Variants in LEKR1 observed in about 807,000 individuals in gnomAD.
LEKR1 encodes leucine, glutamate and lysine rich 1.
LEKR1 carries 59 observed loss-of-function variants against 72.4 expected under a neutral mutation model. That is an observed-to-expected ratio of 0.82 (90% CI 0.66 to 1.01). The LOEUF (loss-of-function observed/expected upper bound fraction) is 1.01, where lower values mean the gene tolerates loss of function less well. Among genes scored for constraint, LEKR1 ranks in the 50% least tolerant of loss-of-function variants. LEKR1 has a pLI of 0.00. For missense variants in LEKR1, 728 were observed against 759.2 expected (o/e 0.96, Z 0.48); for synonymous variants, 257 against 263.2 (o/e 0.98, Z 0.23).
intron 3 of LEKR1, among the ~76,000 whole-genome samples, chr3:156,873,074 C>T (rs1042154526): frequency 3.9e-5 from 6 of 151,962 alleles, no homozygotes; most frequent in African/African-American, 1.4e-4. Context: ...CTCACCTTTT[C>T]AATCTAAAAT....
intron 7 of LEKR1, among the ~76,000 whole-genome samples, chr3:156,990,657 T>A (rs987587680): frequency 2.0e-5 from 3 of 152,214 alleles, no homozygotes; most frequent in African/African-American, 4.8e-5. Flanking sequence ...TTTAATGGCT[T>A]ATAATTTATT....
intron 5 of LEKR1, among the ~76,000 whole-genome samples, chr3:156,934,987 C>T (rs1316716838): frequency 6.6e-6 from 1 of 152,110 alleles, no homozygotes; most frequent in East Asian, 1.9e-4. Context: ...CATCTTTATA[C>T]ATGCATCTTT....
chr3:156,948,208 GT>G (rs1054226728), intron 6 of LEKR1, among the ~76,000 whole-genome samples: 186 of 151,138 alleles, frequency 1.2e-3, no homozygotes, highest in Non-Finnish European at 2.4e-3. Context: ...AGATGTAATA[GT>G]TTTACTTAAA....
chr3:156,918,117 T>C (rs1723827494), intron 3 of LEKR1, among the ~76,000 whole-genome samples: 1 of 152,152 alleles, frequency 6.6e-6, no homozygotes, highest in Non-Finnish European at 1.5e-5. Context: ...AATATAATCA[T>C]GGCATTATAT....
intron 12 of LEKR1, among the ~76,000 whole-genome samples, chr3:157,044,531 T>C (rs1012998384): frequency 2.0e-5 from 3 of 152,226 alleles, no homozygotes; most frequent in African/African-American, 7.2e-5. Flanking sequence ...GTCCTCCAGA[T>C]AGATCTATTA....
At chr3:156,834,822 C>T (rs765254865) in intron 2 of LEKR1, among the ~76,000 whole-genome samples, 5 of 152,140 alleles carry the variant, frequency 3.3e-5, no homozygotes, top group Non-Finnish European at 7.4e-5. Context: ...CTACTGTAGA[C>T]CAAATGTCTA....
intron 3 of LEKR1, among the ~76,000 whole-genome samples, chr3:156,891,290 A>G (rs1268756986): frequency 5.9e-5 from 9 of 152,180 alleles, no homozygotes. Context: ...TACAACCCAA[A>G]GTTGCATAAG....
intron 3 of LEKR1, among the ~76,000 whole-genome samples, chr3:156,907,959 C>A (rs1408645993): frequency 1.3e-5 from 2 of 151,904 alleles, no homozygotes; most frequent in Non-Finnish European, 2.9e-5. Flanking sequence ...CTTTCATGGT[C>A]TCGAGGCTTT....
chr3:156,929,080 A>G (rs1218500977), intron 5 of LEKR1, among the ~76,000 whole-genome samples: 1 of 152,082 alleles, frequency 6.6e-6, no homozygotes, highest in Non-Finnish European at 1.5e-5. Context: ...AATAAAAAGA[A>G]AATCTGAGTA....
At chr3:156,854,377 C>A (rs927563679) in intron 3 of LEKR1, among the ~76,000 whole-genome samples, 1 of 151,842 alleles carries the variant, frequency 6.6e-6, no homozygotes, top group South Asian at 2.1e-4. Context: ...AACTCCTAAC[C>A]TCAGGTGATC....
intron 3 of LEKR1, chr3:156,888,533 T>C (rs1720337223): frequency 1.7e-6 from 1 of 587,574 alleles, no homozygotes. Context: ...GAGAAACACA[T>C]AAAAAGACTG....
At chr3:156,914,951 C>A (rs1207151056) in intron 3 of LEKR1, among the ~76,000 whole-genome samples, 3 of 152,108 alleles carry the variant, frequency 2.0e-5, no homozygotes, top group Admixed American at 1.3e-4. Flanking sequence ...ACCCTCCACT[C>A]TCAAGTAGGC....
chr3:157,014,556 C>T (rs535780918), intron 10 of LEKR1, among the ~76,000 whole-genome samples: 45 of 152,148 alleles, frequency 3.0e-4, no homozygotes, highest in Admixed American at 9.8e-4. Flanking sequence ...TAATTTCTGA[C>T]GTACAAAATG....
intron 2 of LEKR1, among the ~76,000 whole-genome samples, chr3:156,841,272 G>C (rs1713868953): frequency 6.6e-6 from 1 of 152,178 alleles, no homozygotes. Context: ...GGTGAGAAAA[G>C]CTGGCCAAGT....
intron 2 of LEKR1, among the ~76,000 whole-genome samples, chr3:156,842,926 G>A (rs113157401): frequency 2.4e-4 from 36 of 152,106 alleles, no homozygotes; most frequent in African/African-American, 7.7e-4. Flanking sequence ...CGGCCCATGG[G>A]CTAGACAGCA....
At chr3:156,945,063 T>C (rs979365827) in intron 6 of LEKR1, among the ~76,000 whole-genome samples, 2 of 151,636 alleles carry the variant, frequency 1.3e-5, no homozygotes, top group Admixed American at 1.3e-4. Context: ...CTTTTCTCTA[T>C]AACTTTGCCA....
intron 6 of LEKR1, among the ~76,000 whole-genome samples, chr3:156,960,480 T>C (rs1728019179): frequency 1.3e-5 from 2 of 152,152 alleles, no homozygotes; most frequent in South Asian, 4.1e-4. Context: ...GAGACGGGGT[T>C]TCACCATGTT....
chr3:157,016,745 C>A (rs1450883921), intron 10 of LEKR1, among the ~76,000 whole-genome samples: 2 of 151,754 alleles, frequency 1.3e-5, no homozygotes, highest in Admixed American at 6.6e-5. Context: ...AACATAGAAG[C>A]AAAATATATG....
intron 10 of LEKR1, among the ~76,000 whole-genome samples, chr3:157,022,434 T>G (rs1016865701): frequency 6.6e-6 from 1 of 152,068 alleles, no homozygotes; most frequent in Non-Finnish European, 1.5e-5. Context: ...GATCAGGAAG[T>G]GCTGATGAAA....
Sources: gnomAD v4.1 joint callset for allele counts (sites outside exome capture counted in the v4.1 genomes callset) on GRCh38, gnomAD v4.1.1 for gene constraint, MANE v1.5 for transcripts, NCBI Gene and HGNC (gene_info 2026-07-23, HGNC 2026-07-21) for gene names.